Variants in EHMT1 observed in about 807,000 individuals in gnomAD.
The protein encoded by EHMT1 is euchromatic histone lysine methyltransferase 1.
EHMT1 carries 15 observed loss-of-function variants against 147.2 expected under a neutral mutation model. The observed-to-expected ratio is 0.10, with a 90% CI of 0.07 to 0.16. EHMT1 has a LOEUF of 0.16. EHMT1 is among the 10% of genes least tolerant of loss of function. The probability of loss-of-function intolerance (pLI) is 1.00; values close to 1 mark genes in which losing one functional copy is unlikely to be tolerated. For missense variants in EHMT1, 1,587 were observed against 1,772.4 expected, an observed-to-expected ratio of 0.90 and a Z score of 1.88; for synonymous variants, 795 against 709.6, an observed-to-expected ratio of 1.12 and a Z score of -1.91.
chr9:137,780,743 G>T (rs1951380970), intron 14 of EHMT1, among the ~76,000 whole-genome samples: 1 of 106,756 alleles, frequency 9.4e-6, no homozygotes. Flanking sequence ...ATGACACTGG[G>T]ATGTGTGGTG....
At chr9:137,754,650 C>G (rs1949236361) in intron 8 of EHMT1, among the ~76,000 whole-genome samples, 1 of 152,070 alleles carries the variant, frequency 6.6e-6, no homozygotes, top group Non-Finnish European at 1.5e-5. Flanking sequence ...GAAGCTGGGA[C>G]TATAGGCGTG....
intron 1 of EHMT1, among the ~76,000 whole-genome samples, chr9:137,636,226 C>T (rs953901899): frequency 2.6e-5 from 4 of 152,106 alleles, no homozygotes; most frequent in African/African-American, 7.2e-5. Context: ...AGCCACATTT[C>T]ATTTTTAGAT....
intron 1 of EHMT1, among the ~76,000 whole-genome samples, chr9:137,696,679 A>G (rs1257588909): frequency 6.6e-6 from 1 of 152,174 alleles, no homozygotes; most frequent in Non-Finnish European, 1.5e-5. Context: ...TCACGAAGAT[A>G]AGTTTAAAGA....
At chr9:137,791,000 A>G (rs1952480963) in intron 16 of EHMT1, 30 bp downstream of exon 16, 2 of 1,614,012 alleles carry the variant, frequency 1.2e-6, no homozygotes, top group African/African-American at 1.3e-5. Context: ...TCAACGTCCT[A>G]GTGTGTGTGT....
rs563736166 is a variant in EHMT1 at position 137,702,917 on chromosome 9, G to T, written c.22-8050G>T. Among the ~76,000 whole-genome samples the T allele has an allele frequency of 8.0e-4, 122 of 152,340 alleles. 1 individual carries two copies. Among genetic ancestry groups the T allele is most frequent in the African/African-American group, 2.3e-3 (95 of 41,586 alleles). ...GCTTCCTGAGTAGCTGGGATTACAG[G>T]CATGCGCCACCACAGATGTATGGAT... is the stretch of plus-strand genomic sequence containing the variant. On this transcript the variant is annotated intron_variant, in intron 1 of 26. Transcript: ENST00000460843.
intron 3 of EHMT1, among the ~76,000 whole-genome samples, chr9:137,723,413 T>C (rs1429379460): frequency 7.8e-6 from 1 of 128,602 alleles, no homozygotes; most frequent in Non-Finnish European, 1.6e-5. Flanking sequence ...GTGTGCCCTG[T>C]GTCTGTGGTT....
chr9:137,785,876 A>C (rs1951922190), intron 15 of EHMT1: 1 of 152,234 alleles, frequency 6.6e-6, no homozygotes. Context: ...ACCGCCCTGC[A>C]AGTGCCTCGC....
chr9:137,635,913 G>A (rs1008294127), intron 1 of EHMT1, among the ~76,000 whole-genome samples: 3 of 151,752 alleles, frequency 2.0e-5, no homozygotes, highest in Non-Finnish European at 4.4e-5. Flanking sequence ...TTTATAAATA[G>A]AATTAAAAAA....
At chr9:137,818,192 G>C (rs1955078546) in intron 25 of EHMT1, 54 bp downstream of exon 25, 1 of 1,581,942 alleles carries the variant, frequency 6.3e-7, no homozygotes, top group South Asian at 1.1e-5. Flanking sequence ...TGTAAAACCT[G>C]AATGTGTTTG....
In EHMT1 at chr9:137,663,818, C is replaced by A. The variant is rs533042544; in HGVS notation, c.21+44769C>A. ...TGTGGGCGGGACTCAGATCCTCTCACCTGGAGAGAAGGTGGAATGCATGTC... is the reference window on the plus strand; with the variant it reads ...TGTGGGCGGGACTCAGATCCTCTCAACTGGAGAGAAGGTGGAATGCATGTC... On this transcript the variant is annotated intron_variant, in intron 1 of 26. Coordinates refer to ENST00000460843, the MANE Select transcript of EHMT1 (RefSeq NM_024757.5). Among the ~76,000 whole-genome samples, 6 of 152,248 alleles carry A rather than the reference C, an allele frequency of 3.9e-5. No homozygotes were observed. The East Asian group carries it at 1.2e-3, about 29-fold the overall frequency.
rs758014875 is a variant in EHMT1, at chr9:137,782,107, G to T, written c.2276-184G>T. On this transcript the variant is annotated intron_variant, in intron 14 of 26. Transcript: ENST00000460843. This position sits in a 1 kb window ranked among gnomAD's most constrained non-coding sequence, Gnocchi z 5.7. ...AGGGACCTGCCTGTTCAATTCCGCA[G>T]GAGACTAGCACACTCAAGTCTCAAG... Among the ~76,000 whole-genome samples, 6 of 152,158 alleles carry T rather than the reference G, an allele frequency of 3.9e-5. No individual in the cohort carries two copies. The highest frequency in any genetic ancestry group is 8.8e-5 in the Non-Finnish European group (6 of 68,022).
intron 10 of EHMT1, chr9:137,764,078 A>G (rs938869763): frequency 2.6e-5 from 4 of 152,358 alleles, no homozygotes; most frequent in Non-Finnish European, 4.4e-5. Context: ...TGGTCCAGGG[A>G]CCACACTTTG....
rs1252301168 is a variant in EHMT1 at position 137,798,851 on chromosome 9, G to A, written c.2544G>A (p.Lys848=). ...EGSTCLHLAA[K]KGHYEVVQYL... The stretch of plus-strand genomic sequence containing the variant: ...CTACGTGTTTGCACCTGGCTGCCAA[G>A]AAAGGCCACTACGAAGTGGTCCAGT... The change falls in exon 17 of 27, where the codon AAG becomes AAA. Residue 848 remains lysine (K), a synonymous_variant. Coordinates refer to ENST00000460843, the MANE Select transcript of EHMT1 (RefSeq NM_024757.5). The A allele has an allele frequency of 2.5e-6, 4 of 1,614,104 alleles. No individual in the cohort carries two copies. Among genetic ancestry groups the A allele is most frequent in the African/African-American group, 1.3e-5 (1 of 74,938 alleles).
chr9:137,788,162 A>G (rs1588711334), intron 15 of EHMT1: 1 of 818,030 alleles, frequency 1.2e-6, no homozygotes, highest in Non-Finnish European at 1.9e-6. Flanking sequence ...CCTTCTCCCC[A>G]CTGCACCCCG....
At chr9:137,742,249 GTCCCTCCAACTGTTGCTTCTGCACT>G (rs1948153379) in intron 4 of EHMT1, among the ~76,000 whole-genome samples, 1 of 151,288 alleles carries the variant, frequency 6.6e-6, no homozygotes, top group South Asian at 2.1e-4. Flanking sequence ...ACTCGTTCAC[GTCCCTCCAACTGTTGCTTCTGCACT>G]TTGTAGAACC....
intron 4 of EHMT1, among the ~76,000 whole-genome samples, chr9:137,739,538 T>C (rs150559407): frequency 4.1e-4 from 62 of 151,996 alleles, no homozygotes; most frequent in African/African-American, 1.4e-3. Flanking sequence ...TGTTCACACT[T>C]GGGTAGAAGC....
intron 1 of EHMT1, among the ~76,000 whole-genome samples, chr9:137,623,107 G>C (rs1843036082): frequency 6.6e-6 from 1 of 151,476 alleles, no homozygotes; most frequent in South Asian, 2.1e-4. Context: ...CAGCTACTCG[G>C]GAGGCTGAGG....
chr9:137,683,073 A>G (rs559760454), intron 1 of EHMT1, among the ~76,000 whole-genome samples: 4 of 152,366 alleles, frequency 2.6e-5, no homozygotes, highest in African/African-American at 9.6e-5. Context: ...AGTTATATTA[A>G]TAAGCATAAA....
chr9:137,635,481 T>C (rs1429465785), intron 1 of EHMT1, among the ~76,000 whole-genome samples: 5 of 151,636 alleles, frequency 3.3e-5, no homozygotes, highest in South Asian at 4.2e-4. Context: ...TCCCAAAGTG[T>C]TGGGATTACA....
Sources: gnomAD v4.1 joint callset for allele counts (sites outside exome capture counted in the v4.1 genomes callset) on GRCh38, gnomAD v4.1.1 for gene constraint, Gnocchi (gnomAD v3.1) non-coding constraint, MANE v1.5 for transcripts, NCBI Gene and HGNC (gene_info 2026-07-23, HGNC 2026-07-21) for gene names.